The following ALDH16A1 variants were observed in gnomAD, a reference collection of about 807,000 sequenced individuals.
The protein encoded by ALDH16A1 is aldehyde dehydrogenase family 16 member A1.
ALDH16A1 carries 88 observed loss-of-function variants against 96.1 expected under a neutral mutation model. The ratio of observed to expected loss-of-function variants is 0.92; its 90% CI spans 0.77 to 1.09. The LOEUF is 1.09. Among genes scored for constraint, ALDH16A1 ranks in the 50% least tolerant of loss-of-function variants. The probability of loss-of-function intolerance (pLI) is 0.00; values close to 1 mark genes in which losing one functional copy is unlikely to be tolerated. For synonymous variants in ALDH16A1, 522 were observed against 496.4 expected (o/e 1.05, Z -0.69); for missense variants, 1,250 against 1,112.6 (o/e 1.12, Z -1.76).
Position 49,461,641 on chromosome 19 carries a change from G to GC in ALDH16A1, c.605dup (p.Ala203GlyfsTer116). 6.3e-7 allele frequency: 1 copy of GC among 1,598,074 alleles called. No homozygotes were observed. The highest frequency in any genetic ancestry group is 8.5e-7 in the Non-Finnish European group (1 of 1,173,032). ...CAGGCTGCACCGTGGTGGCCCTCGT[G>GC]CCCCCGGCCTCCCCGGCGCCCCTCC... On this transcript the variant is annotated frameshift_variant, in exon 6 of 17. Coordinates refer to ENST00000293350, the MANE Select transcript of ALDH16A1 (RefSeq NM_153329.4). LOFTEE classifies it high-confidence loss of function.
intron 1 of ALDH16A1, among the ~76,000 whole-genome samples, chr19:49,457,562 AAAAG>A (rs1182622237): frequency 6.7e-5 from 10 of 149,856 alleles, no homozygotes; most frequent in Non-Finnish European, 1.3e-4. Flanking sequence ...AAAAAAAAAA[AAAAG>A]AAAGAAAGAA....
In ALDH16A1 at chr19:49,459,958, C is replaced by G. The variant is rs920039454; in HGVS notation, c.499+110C>G. On this transcript the variant is annotated intron_variant, in intron 4 of 16. Transcript: ENST00000293350. The surrounding 1 kb of genome is among the most constrained non-coding windows in gnomAD (Gnocchi z 4.1). ...AGAGTTTCGCTCTTGTCGCCCAGGC[C>G]GGAGTGCAGTGGCGCAATCTTGGCT... 1.5e-6 allele frequency: 2 copies of G among 1,320,816 alleles called. No individual in the cohort carries two copies. The highest frequency in any genetic ancestry group is 3.0e-5 in the South Asian group (2 of 66,544). The allele number at this position is 1,320,816 out of a possible 1,614,324, so 81.8% of individuals were successfully genotyped here. A position where few individuals can be genotyped will look rare whatever the true frequency, so the allele number is the denominator to read the frequency against.
chr19:49,458,738 C>G, intron 2 of ALDH16A1, 150 bp downstream of exon 2: 1 of 1,090,088 alleles, frequency 9.2e-7, no homozygotes, highest in Non-Finnish European at 1.3e-6. Flanking sequence ...CCTTCTGAAA[C>G]CAGTCACCCT....
At chr19:49,460,534 C>T (rs896081568) in intron 4 of ALDH16A1, among the ~76,000 whole-genome samples, 3 of 151,938 alleles carry the variant, frequency 2.0e-5, no homozygotes, top group Non-Finnish European at 2.9e-5. Flanking sequence ...CCTGCCTCAG[C>T]CTCCCGAGTA....
chr19:49,467,337 C>T (rs979835469), intron 14 of ALDH16A1, among the ~76,000 whole-genome samples: 1 of 151,174 alleles, frequency 6.6e-6, no homozygotes, highest in African/African-American at 2.4e-5. Flanking sequence ...TACATTTCAA[C>T]ATGAGATTTG....
At position 49,464,341 on chromosome 19, in the gene ALDH16A1, C is replaced by G. The variant is rs750214804; in HGVS notation, c.1332-76C>G. On this transcript the variant is annotated intron_variant, in intron 10 of 16. Transcript: ENST00000293350. ...TCTCCCTTCTCCCTGGGTCGCTCCC[C>G]GCGCCTTTAACTCACCCCTCTCCCG... is the stretch of plus-strand genomic sequence containing the variant. 1.2e-5 allele frequency: 19 copies of G among 1,570,634 alleles called. No homozygotes were observed. In the South Asian group the frequency reaches 2.2e-4, roughly 18 times the overall value.
intron 11 of ALDH16A1, 54 bp from the exon 12 acceptor site, chr19:49,464,578 T>C: frequency 6.2e-7 from 1 of 1,608,578 alleles, no homozygotes; most frequent in Non-Finnish European, 8.5e-7. Flanking sequence ...CCCTTGACAC[T>C]CGCATCCGGC....
intron 11 of ALDH16A1, 51 bp from the exon 12 acceptor site, chr19:49,464,581 C>T (rs1259142519): frequency 6.2e-7 from 1 of 1,613,350 alleles, no homozygotes; most frequent in African/African-American, 1.3e-5. Context: ...TTGACACTCG[C>T]ATCCGGCCTC....
Position 49,461,918 on chromosome 19 carries a change from A to T in ALDH16A1, c.794A>T (p.Glu265Val). ...GCCCTTCGACGGAGCCTGGCGGGAG[A>T]GTGTGCGGAGCTGGGCCTGGCGCTG... ...GRALRRSLAG[E>V]CAELGLALGT... The change falls in exon 7 of 17, where the codon GAG becomes GTG. Residue 265 changes from glutamate (E) to valine (V), a missense_variant. Transcript: ENST00000293350. 6.4e-7 allele frequency: 1 copy of T among 1,572,898 alleles called. No homozygotes were observed. The highest frequency in any genetic ancestry group is 2.4e-5 in the East Asian group (1 of 42,342).
intron 4 of ALDH16A1, among the ~76,000 whole-genome samples, 162 bp from the exon 5 acceptor site, chr19:49,460,660 C>G (rs1219641907): frequency 1.3e-5 from 2 of 151,444 alleles, no homozygotes; most frequent in Admixed American, 1.3e-4. Context: ...GTGATCCGCC[C>G]ACCTCGACCT....
chr19:49,459,647 G>A lies in ALDH16A1; in HGVS notation c.321-23G>A, dbSNP rs73931794. ...AAGGCTGAGGGCCGTTGGAAAATGA[G>A]CACCCTCTTGCTTTCTCGACAGGCT... On this transcript the variant is annotated intron_variant, in intron 3 of 16. Transcript: ENST00000293350. The surrounding 1 kb of genome is among the most constrained non-coding windows in gnomAD (Gnocchi z 4.1). 372 of 1,585,962 alleles carry A rather than the reference G, an allele frequency of 2.3e-4. 1 individual carries two copies. The African/African-American group carries it at 4.4e-3, about 19-fold the overall frequency.
At chr19:49,454,894 G>C (rs1282078785) in intron 1 of ALDH16A1, among the ~76,000 whole-genome samples, 2 of 152,180 alleles carry the variant, frequency 1.3e-5, no homozygotes, top group East Asian at 3.9e-4. Flanking sequence ...CTAGGTGGGC[G>C]GATCACCTGA....
rs11558188 is a variant in ALDH16A1 at position 49,464,724 on chromosome 19, T to A, written c.1530T>A (p.Val510=). ...ACTATGACACCTTTGGCCTCGCTGT[T>A]CCCTCAACCCTGCCGGCTGGGCCTG... ...NLNYDTFGLA[V]PSTLPAGPEI... Residue 510 remains valine (V), a synonymous_variant, in exon 12 of 17, where the codon GTT becomes GTA. Coordinates refer to ENST00000293350, the MANE Select transcript of ALDH16A1 (RefSeq NM_153329.4). 1.3e-5 allele frequency: 21 copies of A among 1,613,898 alleles called. No individual in the cohort carries two copies. The highest frequency in any genetic ancestry group is 1.7e-5 in the Non-Finnish European group (20 of 1,179,968).
chr19:49,455,597 G>GAA (rs959447734), intron 1 of ALDH16A1, among the ~76,000 whole-genome samples: 1 of 148,886 alleles, frequency 6.7e-6, no homozygotes, highest in Non-Finnish European at 1.5e-5. Context: ...TGTCCCCCCT[G>GAA]AAAAAAAAAG....
chr19:49,464,749 GA>G lies in ALDH16A1; in HGVS notation c.1558del (p.Ile520Ter), dbSNP rs2079184516. The G allele has an allele frequency of 6.2e-7, 1 of 1,613,952 alleles. No individual in the cohort carries two copies. The highest frequency in any genetic ancestry group is 1.7e-5 in the Admixed American group (1 of 60,004). On this transcript the variant is annotated frameshift_variant, in exon 12 of 17. Coordinates refer to ENST00000293350, the MANE Select transcript of ALDH16A1 (RefSeq NM_153329.4). LOFTEE classifies it high-confidence loss of function. ...TCCCTCAACCCTGCCGGCTGGGCCTGAAATAGGGCCCAGGTGAGTCGTTGGG... is the reference window on the plus strand; with the variant it reads ...TCCCTCAACCCTGCCGGCTGGGCCTGAATAGGGCCCAGGTGAGTCGTTGGG... ...AVPSTLPAGP[E>X]IGPSPAPPYG...
At position 49,470,433 on chromosome 19, in the gene ALDH16A1, G is replaced by A. The variant is rs200362945; in HGVS notation, c.2375G>A (p.Arg792Gln). 21 of 1,603,792 alleles carry A rather than the reference G, an allele frequency of 1.3e-5. No homozygotes were observed. The highest frequency in any genetic ancestry group is 5.2e-5 in the Admixed American group (3 of 57,688). ...AGPELGLRVA[R>Q]TKALWLPMGD ...CCAGAGCTGGGGCTGCGAGTGGCGC[G>A]GACCAAGGCCCTGTGGCTGCCTATG... The change falls in exon 17 of 17, where the codon CGG (arginine) becomes CAG (glutamine). Residue 792 changes from arginine (R) to glutamine (Q), a missense_variant. Transcript: ENST00000293350.
Position 49,468,980 on chromosome 19 carries a change from A to G in ALDH16A1, c.2241A>G (p.Ser747=). ...TCCAGGCCATGTGGTATTTCGGATC[A>G]GCCCAGGTGCTCTTTGTTCTGTTTT... ...QDVQAMWYFG[S]AQGSQFVEWA... The change falls in exon 16 of 17, where the codon TCA becomes TCG. Residue 747 remains serine, a synonymous_variant. Coordinates refer to ENST00000293350, the MANE Select transcript of ALDH16A1 (RefSeq NM_153329.4). This position sits in a 1 kb window ranked among gnomAD's most constrained non-coding sequence, Gnocchi z 4.4. 1 of 1,612,174 alleles carries G rather than the reference A, an allele frequency of 6.2e-7. No homozygotes were observed. Among genetic ancestry groups the G allele is most frequent in the Non-Finnish European group, 8.5e-7 (1 of 1,178,890 alleles).
At chr19:49,463,596 G>A (rs1344235200) in intron 8 of ALDH16A1, among the ~76,000 whole-genome samples, 4 of 60,996 alleles carry the variant, frequency 6.6e-5, no homozygotes, top group African/African-American at 3.4e-4. Context: ...AGGGAGGAGG[G>A]GCTGGGGCCT....
In ALDH16A1 at chr19:49,461,890, C is replaced by T. The variant is rs756830979; in HGVS notation, c.766C>T (p.Arg256Cys). 6.9e-6 allele frequency: 11 copies of T among 1,585,612 alleles called. No individual in the cohort carries two copies. In the Admixed American group the frequency reaches 9.0e-5, roughly 13 times the overall value. Residue 256 changes from arginine (R) to cysteine (C), a missense_variant, in exon 7 of 17, where the codon CGT becomes TGT. Transcript: ENST00000293350. ...VAFCGAPEEG[R>C]ALRRSLAGEC... ...AACTGGGGGGGGTCCCTAGGAAGGG[C>T]GTGCCCTTCGACGGAGCCTGGCGGG... is the stretch of plus-strand genomic sequence containing the variant.
Sources: allele counts gnomAD v4.1 joint callset (sites outside exome capture counted in the v4.1 genomes callset), GRCh38; gene constraint gnomAD v4.1.1; non-coding constraint Gnocchi (gnomAD v3.1); transcripts MANE v1.5; gene names NCBI Gene and HGNC (gene_info 2026-07-23, HGNC 2026-07-21).